EVI5L: variants seen among roughly 807,000 people sequenced by gnomAD.
EVI5L encodes EVI5-like protein.
Under a neutral mutation model 106.1 loss-of-function variants are expected in EVI5L, and 30 were observed. The ratio of observed to expected loss-of-function variants is 0.28; its 90% CI spans 0.21 to 0.38. The LOEUF (loss-of-function observed/expected upper bound fraction) is 0.38, where lower values mean the gene tolerates loss of function less well. Ranked by LOEUF, EVI5L falls within the 10% of genes least tolerant of loss-of-function variation. The probability of loss-of-function intolerance (pLI) is 1.00; values close to 1 mark genes in which losing one functional copy is unlikely to be tolerated. For synonymous variants in EVI5L, 489 were observed against 483.3 expected (o/e 1.01, Z -0.15); for missense variants, 809 against 1,098.0 (o/e 0.74, Z 3.72).
At chr19:7,836,881 C>A (rs933833656) in intron 1 of EVI5L, among the ~76,000 whole-genome samples, 2 of 151,586 alleles carry the variant, frequency 1.3e-5, no homozygotes, top group Admixed American at 6.6e-5. Flanking sequence ...ATCTGCCCCC[C>A]CTCAGCCTCC....
At chr19:7,844,312 A>G (rs1004362632) in intron 1 of EVI5L, among the ~76,000 whole-genome samples, 19 of 149,454 alleles carry the variant, frequency 1.3e-4, no homozygotes, top group African/African-American at 4.7e-4. Flanking sequence ...AGCCTGGGCA[A>G]CAGAGCGAGA....
chr19:7,853,680 G>T (rs1979378019), intron 10 of EVI5L: 1 of 347,792 alleles, frequency 2.9e-6, no homozygotes, highest in Admixed American at 4.4e-5. Context: ...CTTGGGCAGA[G>T]GCTCCGGGCC....
At position 7,850,701 on chromosome 19, in the gene EVI5L, G is replaced by A. The variant is rs1078586; in HGVS notation, c.753+579G>A. Among the ~76,000 whole-genome samples the A allele has an allele frequency of 7.0e-4, 106 of 152,198 alleles. No individual in the cohort carries two copies. Among genetic ancestry groups the A allele is most frequent in the African/African-American group, 2.5e-3 (104 of 41,530 alleles). ...CTGGATGTGACAGCCCCACTCCCTG[G>A]GCCTGGATCATGGACGGTGCTGTAG... On this transcript the variant is annotated intron_variant, in intron 6 of 19. Transcript: ENST00000538904. This position sits in a 1 kb window ranked among gnomAD's most constrained non-coding sequence, Gnocchi z 5.4.
At position 7,856,943 on chromosome 19, in the gene EVI5L, T is replaced by C. The variant is rs1168916385; in HGVS notation, c.1201-149T>C. 3 of 820,606 alleles carry C rather than the reference T, an allele frequency of 3.7e-6. No homozygotes were observed. In the Admixed American group the frequency reaches 6.0e-5, roughly 16 times the overall value. The allele number at this position is 820,606 out of a possible 1,614,324, so 50.8% of individuals were successfully genotyped here. ...CTTCCTCCGGGTCCTCTCCTGCTGG[T>C]TCTCTGGTCTTCCCTCCTCTCTCCC... On this transcript the variant is annotated intron_variant, in intron 11 of 19. Transcript: ENST00000538904. This position sits in a 1 kb window ranked among gnomAD's most constrained non-coding sequence, Gnocchi z 6.6.
intron 8 of EVI5L, 29 bp downstream of exon 8, chr19:7,851,799 G>T: frequency 6.8e-7 from 1 of 1,480,220 alleles, no homozygotes; most frequent in African/African-American, 1.4e-5. Flanking sequence ...GGCCGGTGGG[G>T]CTGCCCCCAA....
In EVI5L at chr19:7,862,918, G is replaced by A; in HGVS notation, c.1948-54G>A. The stretch of plus-strand genomic sequence containing the variant: ...GCCCCTGCCCGCGGTCCCGCCCCCT[G>A]ATGCGCCGCGCCCCCTGACCCGCCC... On this transcript the variant is annotated intron_variant, in intron 17 of 19. Coordinates refer to ENST00000538904, the MANE Select transcript of EVI5L (RefSeq NM_001159944.3). 7.7e-6 allele frequency: 10 copies of A among 1,293,900 alleles called. No individual in the cohort carries two copies. In the South Asian group the frequency reaches 1.3e-4, roughly 17 times the overall value. The allele number at this position is 1,293,900 out of a possible 1,614,324, so 80.2% of individuals were successfully genotyped here. A position where few individuals can be genotyped will look rare whatever the true frequency, so the allele number is the denominator to read the frequency against.
In EVI5L at chr19:7,851,545, G is replaced by A; in HGVS notation, c.865G>A (p.Ala289Thr). ...LFLTTFPLPVATRVFDIFMYE... is the reference protein window; with the variant it reads ...LFLTTFPLPVTTRVFDIFMYE... ...CCTGACCACCTTCCCACTCCCCGTC[G>A]CCACCCGGGTCTTTGACATCTTCAT... is the stretch of plus-strand genomic sequence containing the variant. The change falls in exon 7 of 20, where the codon GCC (alanine) becomes ACC (threonine). Residue 289 changes from alanine (A) to threonine (T), a missense_variant. By Grantham distance (58) the Ala-to-Thr change is moderately conservative (BLOSUM62 0). Transcript: ENST00000538904. 2 of 1,612,456 alleles carry A rather than the reference G, an allele frequency of 1.2e-6. No homozygotes were observed. The highest frequency in any genetic ancestry group is 1.1e-5 in the South Asian group (1 of 90,630).
chr19:7,836,458 C>T (rs1380099187), intron 1 of EVI5L, among the ~76,000 whole-genome samples: 4 of 152,150 alleles, frequency 2.6e-5, no homozygotes, highest in Non-Finnish European at 4.4e-5. Context: ...TAAAAGAATA[C>T]AGACAGAGCT....
chr19:7,849,470 G>A, intron 5 of EVI5L, 140 bp downstream of exon 5: 1 of 935,868 alleles, frequency 1.1e-6, no homozygotes, highest in Non-Finnish European at 1.6e-6. Flanking sequence ...CCACACCCGT[G>A]ACCTCTGCCA....
intron 1 of EVI5L, among the ~76,000 whole-genome samples, chr19:7,834,311 G>A (rs997493944): frequency 1.2e-4 from 18 of 152,130 alleles, no homozygotes; most frequent in African/African-American, 2.9e-4. Context: ...GCAACAGAGC[G>A]AGACTCCATC....
At chr19:7,855,645 C>T (rs1305413739) in intron 10 of EVI5L, among the ~76,000 whole-genome samples, 1 of 152,132 alleles carries the variant, frequency 6.6e-6, no homozygotes, top group East Asian at 1.9e-4. Context: ...GGTGGCTGCT[C>T]GACAGCTGCT....
chr19:7,846,478 C>A lies in EVI5L; in HGVS notation c.-47-18C>A. ...GGGCTCCCACCCAATGCCGACCACG[C>A]ATGTCTCTGGCCCCCAGACAGAGCT... On this transcript the variant is annotated intron_variant, in intron 1 of 19. Coordinates refer to ENST00000538904, the MANE Select transcript of EVI5L (RefSeq NM_001159944.3). 1 of 1,534,526 alleles carries A rather than the reference C, an allele frequency of 6.5e-7. No homozygotes were observed. The highest frequency in any genetic ancestry group is 8.8e-7 in the Non-Finnish European group (1 of 1,140,626).
At position 7,848,855 on chromosome 19, in the gene EVI5L, C is replaced by G. The variant is rs1198204615; in HGVS notation, c.328-66C>G. On this transcript the variant is annotated intron_variant, in intron 3 of 19. Transcript: ENST00000538904. This position sits in a 1 kb window ranked among gnomAD's most constrained non-coding sequence, Gnocchi z 4.8. Reference sequence around the variant, plus strand: ...GATGAGCCACGCCTGAGGAGCTGGGCTGGGTGGCCACGGGGAGGCTGCGCT... The same window carrying G: ...GATGAGCCACGCCTGAGGAGCTGGGGTGGGTGGCCACGGGGAGGCTGCGCT... 7 of 1,501,642 alleles carry G rather than the reference C, an allele frequency of 4.7e-6. No individual in the cohort carries two copies. The highest frequency in any genetic ancestry group is 6.4e-6 in the Non-Finnish European group (7 of 1,098,104). The allele number at this position is 1,501,642 out of a possible 1,614,324, so 93.0% of individuals were successfully genotyped here. A position where few individuals can be genotyped will look rare whatever the true frequency, so the allele number is the denominator to read the frequency against.
intron 1 of EVI5L, among the ~76,000 whole-genome samples, chr19:7,836,818 G>A (rs1230583650): frequency 6.6e-6 from 1 of 151,788 alleles, no homozygotes; most frequent in East Asian, 2.0e-4. Flanking sequence ...TTTTAATAGA[G>A]ACAGGGTTTC....
At chr19:7,859,445 G>A (rs373656782) in intron 13 of EVI5L, among the ~76,000 whole-genome samples, 35 of 152,320 alleles carry the variant, frequency 2.3e-4, no homozygotes, top group Admixed American at 9.1e-4. Context: ...TGCCCCCTCC[G>A]CCCCCAGGCC....
intron 1 of EVI5L, among the ~76,000 whole-genome samples, chr19:7,834,891 C>A (rs1474910389): frequency 6.6e-6 from 1 of 151,870 alleles, no homozygotes; most frequent in Admixed American, 6.6e-5. Flanking sequence ...TTTGAGAGGC[C>A]GAGTCAGGGA....
chr19:7,832,743 T>C (rs55950843), intron 1 of EVI5L, among the ~76,000 whole-genome samples: 23,622 of 151,924 alleles, frequency 0.16, 2,416 homozygotes, highest in Middle Eastern at 0.22. Context: ...GCTGGAAGAA[T>C]GGAGATGAGA....
At chr19:7,836,734 G>A (rs529683323) in intron 1 of EVI5L, among the ~76,000 whole-genome samples, 11 of 151,804 alleles carry the variant, frequency 7.2e-5, no homozygotes, top group Non-Finnish European at 1.5e-4. Context: ...TGCCTCCTGG[G>A]TTCAGCCTCA....
chr19:7,830,769 C>T (rs1224013685), intron 1 of EVI5L, among the ~76,000 whole-genome samples: 1 of 141,802 alleles, frequency 7.1e-6, no homozygotes, highest in Admixed American at 7.0e-5. Flanking sequence ...CCCAAGAACC[C>T]CCGTCCACCT....
Sources: allele counts gnomAD v4.1 joint callset (sites outside exome capture counted in the v4.1 genomes callset), GRCh38; gene constraint gnomAD v4.1.1; non-coding constraint Gnocchi (gnomAD v3.1); transcripts MANE v1.5; gene names NCBI Gene and HGNC (gene_info 2026-07-23, HGNC 2026-07-21).